The following RYR3 variants were observed in gnomAD, a reference collection of about 807,000 sequenced individuals.
The protein encoded by RYR3 is brain ryanodine receptor-calcium release channel.
Under a neutral mutation model 584.3 loss-of-function variants are expected in RYR3, and 207 were observed. That is an observed-to-expected ratio of 0.35 (90% CI 0.32 to 0.40). RYR3 has a LOEUF of 0.40. Ranked by LOEUF, RYR3 falls within the 10% of genes least tolerant of loss-of-function variation. RYR3 has a pLI of 1.00. For synonymous variants in RYR3, 2,416 were observed against 2,248.5 expected (o/e 1.07, Z -2.11); for missense variants, 5,616 against 6,089.2 (o/e 0.92, Z 2.59).
At chr15:33,854,580 G>C (rs1294006044) in intron 97 of RYR3, 131 bp downstream of exon 97, 6 of 1,056,296 alleles carry the variant, frequency 5.7e-6, no homozygotes, top group Non-Finnish European at 8.2e-6. Flanking sequence ...ATACGTGCTG[G>C]GGGAACACTT....
intron 67 of RYR3, among the ~76,000 whole-genome samples, chr15:33,795,030 C>A (rs1052028334): frequency 6.6e-6 from 1 of 152,218 alleles, no homozygotes. Context: ...TAACTCCTAC[C>A]TATCAGCTCT....
At chr15:33,389,207 C>G (rs1402553094) in intron 1 of RYR3, among the ~76,000 whole-genome samples, 1 of 151,620 alleles carries the variant, frequency 6.6e-6, no homozygotes, top group Admixed American at 6.6e-5. Flanking sequence ...TGCACATGTG[C>G]CCTAAAACTT....
At chr15:33,815,468 C>T (rs1449167114) in intron 74 of RYR3, 2 of 161,234 alleles carry the variant, frequency 1.2e-5, no homozygotes, top group African/African-American at 4.8e-5. Context: ...CAAAAACAAG[C>T]ATTTTTTTCT....
chr15:33,513,516 T>C (rs1314654922), intron 3 of RYR3, among the ~76,000 whole-genome samples: 1 of 152,186 alleles, frequency 6.6e-6, no homozygotes, highest in Non-Finnish European at 1.5e-5. Context: ...GGTGTAAAAA[T>C]CACTTCTGCT....
At chr15:33,598,331 C>G (rs2059487253) in intron 16 of RYR3, among the ~76,000 whole-genome samples, 1 of 150,672 alleles carries the variant, frequency 6.6e-6, no homozygotes, top group Non-Finnish European at 1.5e-5. Flanking sequence ...TACAAACACG[C>G]ACACTTGGAT....
rs1281518243 is a variant in RYR3 at position 33,368,761 on chromosome 15, G to A, written c.51+57665G>A. On this transcript the variant is annotated intron_variant, in intron 1 of 103. Coordinates refer to ENST00000634891, the MANE Select transcript of RYR3 (RefSeq NM_001036.6). The stretch of plus-strand genomic sequence containing the variant: ...TTGGCAGCGTTCCACCCAGTCAGCA[G>A]GGAGGGTGATGGAGAAGGCCTCTTT... Among the ~76,000 whole-genome samples, 5 of 152,250 alleles carry A rather than the reference G, an allele frequency of 3.3e-5. No individual in the cohort carries two copies. In the East Asian group the frequency reaches 7.7e-4, roughly 24 times the overall value.
At chr15:33,523,993 C>T (rs2054207660) in intron 3 of RYR3, among the ~76,000 whole-genome samples, 1 of 152,236 alleles carries the variant, frequency 6.6e-6, no homozygotes, top group Admixed American at 6.5e-5. Context: ...TAGGTAAAGT[C>T]GTTTCCTGAG....
intron 1 of RYR3, among the ~76,000 whole-genome samples, chr15:33,383,824 G>A (rs958351480): frequency 2.0e-5 from 3 of 152,128 alleles, no homozygotes; most frequent in Non-Finnish European, 4.4e-5. Context: ...TATGTTCACT[G>A]CAGCACTATT....
intron 67 of RYR3, among the ~76,000 whole-genome samples, chr15:33,791,241 G>C (rs1348039257): frequency 6.6e-6 from 1 of 152,178 alleles, no homozygotes; most frequent in Non-Finnish European, 1.5e-5. Flanking sequence ...ATCCAATAGA[G>C]ATGGGGGCTA....
At chr15:33,386,830 CAT>C (rs1197708295) in intron 1 of RYR3, among the ~76,000 whole-genome samples, 2 of 152,008 alleles carry the variant, frequency 1.3e-5, no homozygotes, top group African/African-American at 2.4e-5. Flanking sequence ...CATGTTGTAT[CAT>C]GTGTCAGAAT....
intron 43 of RYR3, among the ~76,000 whole-genome samples, chr15:33,707,344 G>A (rs571404990): frequency 1.3e-5 from 2 of 152,158 alleles, no homozygotes; most frequent in East Asian, 3.9e-4. Flanking sequence ...CTGTAAAAGG[G>A]GGCCTTATGA....
chr15:33,847,106 TC>T (rs2078772018), intron 93 of RYR3: 3 of 152,218 alleles, frequency 2.0e-5, no homozygotes, highest in Admixed American at 1.3e-4. Flanking sequence ...TTCTCTAGAG[TC>T]ATCCAAAACA....
intron 102 of RYR3, among the ~76,000 whole-genome samples, chr15:33,861,716 G>C (rs1355976475): frequency 1.3e-5 from 2 of 152,112 alleles, no homozygotes; most frequent in African/African-American, 4.8e-5. Flanking sequence ...GCTAAATTCT[G>C]TGTTCAGTTT....
chr15:33,727,792 G>A (rs1242943837), intron 46 of RYR3, among the ~76,000 whole-genome samples: 2 of 152,154 alleles, frequency 1.3e-5, no homozygotes, highest in Non-Finnish European at 2.9e-5. Context: ...ATATGCTGTG[G>A]CTATAGCGTG....
chr15:33,616,341 A>G (rs1465932945), intron 19 of RYR3, among the ~76,000 whole-genome samples: 2 of 152,292 alleles, frequency 1.3e-5, no homozygotes, highest in East Asian at 1.9e-4. Context: ...ACAGTGAGAT[A>G]GGATCTTTGT....
chr15:33,750,410 T>C, intron 57 of RYR3, 124 bp downstream of exon 57: 1 of 965,354 alleles, frequency 1.0e-6, no homozygotes, highest in Non-Finnish European at 1.5e-6. Context: ...AGAACATTTT[T>C]ATTTTAGAAC....
chr15:33,773,723 A>G, intron 64 of RYR3, 108 bp downstream of exon 64: 2 of 752,090 alleles, frequency 2.7e-6, no homozygotes, highest in Non-Finnish European at 4.6e-6. Context: ...CAAAATGCTC[A>G]CTGATACAGA....
intron 43 of RYR3, among the ~76,000 whole-genome samples, chr15:33,713,819 TG>T (rs2067294142): frequency 6.6e-6 from 1 of 152,172 alleles, no homozygotes; most frequent in African/African-American, 2.4e-5. Context: ...TCTCACATGG[TG>T]GAAGAGGCAA....
intron 53 of RYR3, among the ~76,000 whole-genome samples, chr15:33,746,766 A>T (rs890314097): frequency 6.6e-6 from 1 of 151,930 alleles, no homozygotes; most frequent in African/African-American, 2.4e-5. Flanking sequence ...GAAAAGAAAA[A>T]GAAAAAATTC....
Sources: allele counts gnomAD v4.1 joint callset (sites outside exome capture counted in the v4.1 genomes callset), GRCh38; gene constraint gnomAD v4.1.1; transcripts MANE v1.5; gene names NCBI Gene and HGNC (gene_info 2026-07-23, HGNC 2026-07-21).